Variants in FAM234B observed in about 807,000 individuals in gnomAD.
The protein encoded by FAM234B is protein FAM234B.
A neutral mutation model predicts 69.3 loss-of-function variants in FAM234B; 33 were observed. The ratio of observed to expected loss-of-function variants is 0.48; its 90% confidence interval spans 0.36 to 0.64. FAM234B has a LOEUF of 0.64. Ranked by LOEUF, FAM234B falls within the 30% of genes least tolerant of loss-of-function variation. The pLI, the probability that FAM234B is intolerant of heterozygous loss-of-function variation, is 0.00. For synonymous variants in FAM234B, 306 were observed against 306.9 expected (o/e 1.00, Z 0.03); for missense variants, 697 against 769.7 (o/e 0.91, Z 1.12).
At chr12:13,061,134 A>AT (rs1864978541) in intron 3 of FAM234B, among the ~76,000 whole-genome samples, 1 of 152,202 alleles carries the variant, frequency 6.6e-6, no homozygotes. Context: ...GTTTCCGAGC[A>AT]TATCTTTTCC....
intron 3 of FAM234B, 96 bp from the exon 4 acceptor site, chr12:13,061,479 C>G: frequency 1.0e-6 from 1 of 1,001,734 alleles, no homozygotes; most frequent in South Asian, 1.7e-5. Context: ...TGCTGCCTTA[C>G]CACCATCCAC....
chr12:13,074,184 T>C (rs1865137893), intron 10 of FAM234B, among the ~76,000 whole-genome samples: 1 of 152,198 alleles, frequency 6.6e-6, no homozygotes. Flanking sequence ...AATTTTGAAG[T>C]CCTTGCATAG....
chr12:13,057,790 G>T (rs1864946859), intron 2 of FAM234B, among the ~76,000 whole-genome samples: 1 of 152,180 alleles, frequency 6.6e-6, no homozygotes, highest in Non-Finnish European at 1.5e-5. Context: ...GGAGAGGGCT[G>T]CCTTGTTGAT....
intron 4 of FAM234B, 139 bp from the exon 5 acceptor site, chr12:13,062,706 C>A: frequency 2.4e-6 from 2 of 816,626 alleles, no homozygotes; most frequent in Non-Finnish European, 3.8e-6. Flanking sequence ...AAGACAAAAA[C>A]GAAAGGCAAT....
chr12:13,046,242 A>G (rs1242582752), intron 1 of FAM234B, among the ~76,000 whole-genome samples: 1 of 136,114 alleles, frequency 7.3e-6, no homozygotes, highest in Non-Finnish European at 1.6e-5. Context: ...GGATGGGAGA[A>G]AATGTTCACT....
intron 1 of FAM234B, among the ~76,000 whole-genome samples, chr12:13,051,638 T>C (rs962976452): frequency 1.3e-5 from 2 of 152,208 alleles, no homozygotes; most frequent in Admixed American, 1.3e-4. Flanking sequence ...GTACCTGGGA[T>C]TGTATCTAGT....
Position 13,044,685 on chromosome 12 carries a change from G to A in FAM234B, c.37+245G>A, listed in dbSNP as rs1464534035. ...ACCCGGAGACGCGCGGGGAGAGGGCGCCGAGCAGGTGTTACGGCGGGGAAT... is the reference window on the plus strand; with the variant it reads ...ACCCGGAGACGCGCGGGGAGAGGGCACCGAGCAGGTGTTACGGCGGGGAAT... On this transcript the variant is annotated intron_variant, in intron 1 of 12. Coordinates refer to ENST00000197268, the MANE Select transcript of FAM234B (RefSeq NM_020853.2). The surrounding 1 kb of genome is among the most constrained non-coding windows in gnomAD (Gnocchi z 5.6). Among the ~76,000 whole-genome samples, 1 of 152,224 alleles carries A rather than the reference G, an allele frequency of 6.6e-6. No homozygotes were observed.
Position 13,058,534 on chromosome 12 carries a change from A to T in FAM234B, c.517A>T (p.Asn173Tyr). The T allele has an allele frequency of 6.2e-7, 1 of 1,612,204 alleles. No individual in the cohort carries two copies. The highest frequency in any genetic ancestry group is 8.5e-7 in the Non-Finnish European group (1 of 1,179,240). Residue 173 changes from asparagine (N) to tyrosine (Y), a missense_variant, in exon 3 of 13, where the codon AAC becomes TAC. Asn to Tyr is a moderately radical substitution (Grantham distance 143). Around this residue, in one of 3 missense-constraint regions of FAM234B, gnomAD observed 380 missense variants for 447.1 expected, o/e 0.85. Transcript: ENST00000197268. The part of the protein sequence containing the change: ...DVLLSFVMSR[N>Y]GSAVGVSRPA... Reference sequence around the variant, plus strand: ...GCTTCTCTCCTTTGTGATGTCAAGGAACGGGAGTGCAGTAGGTAAGAGACG... The same window carrying T: ...GCTTCTCTCCTTTGTGATGTCAAGGTACGGGAGTGCAGTAGGTAAGAGACG...
At chr12:13,050,384 C>T (rs1311621908) in intron 1 of FAM234B, among the ~76,000 whole-genome samples, 3 of 152,128 alleles carry the variant, frequency 2.0e-5, no homozygotes, top group Non-Finnish European at 4.4e-5. Context: ...AGTGATTATG[C>T]CCAGTTACTT....
Position 13,067,409 on chromosome 12 carries a change from C to A in FAM234B, c.1142+113C>A. ...TATGTGGGTAGAGGTTTAGGGGAAA[C>A]AGTGCTTATCTTAATTTACCATCTT... On this transcript the variant is annotated intron_variant, in intron 7 of 12. Coordinates refer to ENST00000197268, the MANE Select transcript of FAM234B (RefSeq NM_020853.2). This position sits in a 1 kb window ranked among gnomAD's most constrained non-coding sequence, Gnocchi z 4.7. 9.3e-7 allele frequency: 1 copy of A among 1,075,322 alleles called. No individual in the cohort carries two copies. The highest frequency in any genetic ancestry group is 1.4e-6 in the Non-Finnish European group (1 of 731,030). 66.6% of individuals were successfully genotyped at this position (1,075,322 alleles called of 1,614,324 possible). A position where few individuals can be genotyped will look rare whatever the true frequency, so the allele number is the denominator to read the frequency against.
intron 12 of FAM234B, 135 bp downstream of exon 12, chr12:13,080,144 A>G (rs544364069): frequency 8.6e-5 from 55 of 642,774 alleles, no homozygotes; most frequent in Non-Finnish European, 1.3e-4. Context: ...GTTTTGGACC[A>G]ACACTGTTTC....
At chr12:13,047,878 A>G (rs1864828491) in intron 1 of FAM234B, among the ~76,000 whole-genome samples, 1 of 151,960 alleles carries the variant, frequency 6.6e-6, no homozygotes, top group East Asian at 1.9e-4. Context: ...ACTTCTTTTA[A>G]GGCAAGTTGG....
intron 2 of FAM234B, among the ~76,000 whole-genome samples, chr12:13,056,630 A>T (rs988650294): frequency 2.6e-5 from 4 of 152,192 alleles, no homozygotes; most frequent in African/African-American, 9.7e-5. Context: ...CTCTGATCCC[A>T]GTTGAATTAG....
chr12:13,051,928 A>G (rs534060313), intron 1 of FAM234B, among the ~76,000 whole-genome samples: 3 of 152,234 alleles, frequency 2.0e-5, no homozygotes, highest in Admixed American at 6.5e-5. Context: ...TCTCATCACA[A>G]TCATATGAGC....
rs1271663333 is a variant in FAM234B, at chr12:13,081,878, C to T, written c.*1248C>T. 6.8e-6 allele frequency: 1 copy of T among 147,582 alleles called. No individual in the cohort carries two copies. The highest frequency in any genetic ancestry group is 1.5e-5 in the Non-Finnish European group (1 of 66,570). The allele number at this position is 147,582 out of a possible 1,614,324, so 9.1% of individuals were successfully genotyped here. A position where few individuals can be genotyped will look rare whatever the true frequency, so the allele number is the denominator to read the frequency against. ...AAATTCAATGTTAGCGGATGGAAAA[C>T]TGCTTCTTGAATAACCTTGATAGGT... On this transcript the variant is annotated 3_prime_UTR_variant, in exon 13 of 13. Transcript: ENST00000197268.
chr12:13,080,093 G>A, intron 12 of FAM234B, 84 bp downstream of exon 12: 7 of 1,049,266 alleles, frequency 6.7e-6, no homozygotes, highest in Non-Finnish European at 9.6e-6. Flanking sequence ...AAAGTAGGCA[G>A]AATGGGGAAC....
chr12:13,058,830 G>A (rs918942275), intron 3 of FAM234B, among the ~76,000 whole-genome samples: 2 of 152,214 alleles, frequency 1.3e-5, no homozygotes, highest in African/African-American at 4.8e-5. Flanking sequence ...CACACACTTT[G>A]CAACGAACAG....
At chr12:13,054,351 A>G (rs1437732680) in intron 1 of FAM234B, among the ~76,000 whole-genome samples, 1 of 152,194 alleles carries the variant, frequency 6.6e-6, no homozygotes, top group African/African-American at 2.4e-5. Flanking sequence ...AAATCTTCAC[A>G]ATTTATGTTC....
At chr12:13,061,130 G>A (rs141792920) in intron 3 of FAM234B, among the ~76,000 whole-genome samples, 3 of 152,144 alleles carry the variant, frequency 2.0e-5, no homozygotes, top group African/African-American at 7.2e-5. Context: ...TCATGTTTCC[G>A]AGCATATCTT....
Sources: gnomAD v4.1 joint callset for allele counts (sites outside exome capture counted in the v4.1 genomes callset) on GRCh38, gnomAD v4.1.1 for gene constraint, gnomAD v4.1.1 regional missense constraint, Gnocchi (gnomAD v3.1) non-coding constraint, MANE v1.5 for transcripts, NCBI Gene and HGNC (gene_info 2026-07-23, HGNC 2026-07-21) for gene names.